The following SH2D4B variants were observed in gnomAD, a reference collection of about 807,000 sequenced individuals.
SH2D4B encodes SH2 domain-containing protein 4B.
Under a neutral mutation model 61.5 loss-of-function variants are expected in SH2D4B, and 45 were observed. That is an observed-to-expected ratio of 0.73 (90% CI 0.58 to 0.94). The LOEUF (loss-of-function observed/expected upper bound fraction) is 0.94. Among genes scored for constraint, SH2D4B ranks in the 40% least tolerant of loss-of-function variants. The pLI is 0.00. For synonymous variants in SH2D4B, 224 were observed against 220.4 expected (o/e 1.02, Z -0.14); for missense variants, 572 against 574.2 (o/e 1.00, Z 0.04).
intron 1 of SH2D4B, among the ~76,000 whole-genome samples, chr10:80,567,840 T>G (rs1564770177): frequency 6.6e-6 from 1 of 152,252 alleles, no homozygotes; most frequent in Non-Finnish European, 1.5e-5. Flanking sequence ...GAAACCTGCC[T>G]GCTGGTCATC....
At chr10:80,560,538 A>C (rs1438148977) in intron 1 of SH2D4B, among the ~76,000 whole-genome samples, 1 of 151,492 alleles carries the variant, frequency 6.6e-6, no homozygotes, top group Non-Finnish European at 1.5e-5. Context: ...GGTGCATACC[A>C]CCACACCTGG....
rs921411996 is a variant in SH2D4B at position 80,645,463 on chromosome 10, C to T, written c.*1378C>T. 4 of 152,132 alleles carry T rather than the reference C, an allele frequency of 2.6e-5. No homozygotes were observed. The highest frequency in any genetic ancestry group is 7.2e-5 in the African/African-American group (3 of 41,412). The allele number at this position is 152,132 out of a possible 1,614,324, so 9.4% of individuals were successfully genotyped here. On this transcript the variant is annotated 3_prime_UTR_variant, in exon 8 of 8. Transcript: ENST00000646907. Reference sequence around the variant, plus strand: ...ACAGAAGAGATGGGAAGTGAATGCCCGATGTGGTGAATCTGGGATGAATGG... The same window carrying T: ...ACAGAAGAGATGGGAAGTGAATGCCTGATGTGGTGAATCTGGGATGAATGG...
rs1393044714 is a variant in SH2D4B, at chr10:80,614,398, T to C, written c.988+4847T>C. ...TCTCATGAGAACTCACTCACTGTGG[T>C]GAGGACAGCACCAAGCCATGAGGAA... is the stretch of plus-strand genomic sequence containing the variant. On this transcript the variant is annotated intron_variant, in intron 6 of 7. Transcript: ENST00000646907. 2.0e-5 allele frequency among the ~76,000 whole-genome samples: 3 copies of C among 152,146 alleles called. No homozygotes were observed. The East Asian group carries it at 5.8e-4, about 29-fold the overall frequency.
At position 80,538,254 on chromosome 10, in the gene SH2D4B, A is replaced by G. The variant is rs1841530980; in HGVS notation, c.-78A>G. ...CCGGATTGAGCAGTCCGTAGTGCAGAGCAGCCCCTCGGGCGTTCTGCCTGG... is the reference window on the plus strand; with the variant it reads ...CCGGATTGAGCAGTCCGTAGTGCAGGGCAGCCCCTCGGGCGTTCTGCCTGG... On this transcript the variant is annotated 5_prime_UTR_variant, in exon 1 of 8. Transcript: ENST00000646907. This position sits in a 1 kb window ranked among gnomAD's most constrained non-coding sequence, Gnocchi z 4.8. The G allele has an allele frequency of 8.3e-7, 1 of 1,207,400 alleles. No individual in the cohort carries two copies. Among genetic ancestry groups the G allele is most frequent in the African/African-American group, 1.6e-5 (1 of 63,326 alleles). 74.8% of individuals were successfully genotyped at this position (1,207,400 alleles called of 1,614,324 possible).
At chr10:80,586,398 C>G (rs1053397297) in intron 3 of SH2D4B, among the ~76,000 whole-genome samples, 2 of 138,762 alleles carry the variant, frequency 1.4e-5, no homozygotes, top group Admixed American at 7.1e-5. Flanking sequence ...ATACACCAAT[C>G]GGCACTCTGT....
chr10:80,633,048 A>G (rs1436557554), intron 6 of SH2D4B, among the ~76,000 whole-genome samples: 1 of 151,852 alleles, frequency 6.6e-6, no homozygotes, highest in Admixed American at 6.6e-5. Flanking sequence ...TCTGTGTCCT[A>G]TGCCTTGGGC....
At chr10:80,571,844 C>A (rs1286000885) in intron 3 of SH2D4B, among the ~76,000 whole-genome samples, 1 of 149,336 alleles carries the variant, frequency 6.7e-6, no homozygotes, top group Non-Finnish European at 1.5e-5. Context: ...GCAGTCTCGG[C>A]TCACTGCAAG....
chr10:80,619,233 A>G (rs1266064970), intron 6 of SH2D4B, among the ~76,000 whole-genome samples: 1 of 152,224 alleles, frequency 6.6e-6, no homozygotes, highest in Non-Finnish European at 1.5e-5. Flanking sequence ...GTGCTGGCAC[A>G]GGAAGGGTGA....
At chr10:80,625,668 G>A (rs138368953) in intron 6 of SH2D4B, among the ~76,000 whole-genome samples, 1 of 151,524 alleles carries the variant, frequency 6.6e-6, no homozygotes, top group African/African-American at 2.4e-5. Flanking sequence ...TACCTCCCGG[G>A]TTCAAGCGAT....
At chr10:80,622,956 C>T (rs1355069573) in intron 6 of SH2D4B, among the ~76,000 whole-genome samples, 1 of 152,206 alleles carries the variant, frequency 6.6e-6, no homozygotes, top group Non-Finnish European at 1.5e-5. Context: ...CACTCTGTCA[C>T]CCAGGTTGGA....
chr10:80,545,550 T>C (rs1168589530), intron 1 of SH2D4B, among the ~76,000 whole-genome samples: 1 of 152,120 alleles, frequency 6.6e-6, no homozygotes, highest in African/African-American at 2.4e-5. Flanking sequence ...CGCTTTCTTC[T>C]ACTCCCTCTC....
At chr10:80,547,433 C>G (rs532202860) in intron 1 of SH2D4B, among the ~76,000 whole-genome samples, 1 of 152,262 alleles carries the variant, frequency 6.6e-6, no homozygotes, top group Admixed American at 6.5e-5. Flanking sequence ...ATCTAGGGAG[C>G]CATGCTGCAC....
At chr10:80,596,981 A>T (rs572405021) in intron 4 of SH2D4B, among the ~76,000 whole-genome samples, 2 of 38,118 alleles carry the variant, frequency 5.2e-5, no homozygotes, top group East Asian at 2.7e-3. Flanking sequence ...AAAAACAATA[A>T]AAAATAACAT....
chr10:80,604,363 G>A (rs1842491228), intron 5 of SH2D4B, among the ~76,000 whole-genome samples: 1 of 152,190 alleles, frequency 6.6e-6, no homozygotes, highest in South Asian at 2.1e-4. Flanking sequence ...CAGGACCAAA[G>A]GTTAGGAGGT....
At position 80,634,477 on chromosome 10, in the gene SH2D4B, C is replaced by T. The variant is rs879276185; in HGVS notation, c.1181C>T (p.Thr394Met). ...FLGVDPNRHA[T>M]LTDLVDFHKE... ...GGAGTGGACCCCAATCGCCATGCAA[C>T]GCTCACGGATCTCGTTGATTTCCAT... Residue 394 changes from threonine to methionine, a missense_variant, in exon 7 of 8, where the codon ACG (threonine) becomes ATG (methionine). Thr to Met is a moderately conservative substitution (Grantham distance 81, BLOSUM62 -1). Transcript: ENST00000646907. The T allele has an allele frequency of 4.0e-5, 62 of 1,550,368 alleles. No homozygotes were observed. The highest frequency in any genetic ancestry group is 2.3e-4 in the African/African-American group (17 of 73,124).
chr10:80,564,407 T>G (rs1423457412), intron 1 of SH2D4B, among the ~76,000 whole-genome samples: 2 of 152,194 alleles, frequency 1.3e-5, no homozygotes, highest in African/African-American at 4.8e-5. Context: ...CTTGCAAGAT[T>G]CCTTTCTCCT....
chr10:80,570,447 T>C (rs1204709018), intron 2 of SH2D4B, 131 bp downstream of exon 2: 1 of 1,154,974 alleles, frequency 8.7e-7, no homozygotes, highest in Non-Finnish European at 1.2e-6. Flanking sequence ...CTCAAACTCC[T>C]GACCTCAGGT....
At chr10:80,594,828 C>A (rs1842368735) in intron 4 of SH2D4B, among the ~76,000 whole-genome samples, 1 of 152,112 alleles carries the variant, frequency 6.6e-6, no homozygotes. Flanking sequence ...TCCACTGATA[C>A]CTTTTTAAGC....
chr10:80,582,594 G>C (rs1842195215), intron 3 of SH2D4B, among the ~76,000 whole-genome samples: 1 of 152,160 alleles, frequency 6.6e-6, no homozygotes, highest in Non-Finnish European at 1.5e-5. Flanking sequence ...TGGTCAGAGA[G>C]CACCCTGAAG....
Sources: gnomAD v4.1 joint callset for allele counts (sites outside exome capture counted in the v4.1 genomes callset) on GRCh38, gnomAD v4.1.1 for gene constraint, Gnocchi (gnomAD v3.1) non-coding constraint, MANE v1.5 for transcripts, NCBI Gene and HGNC (gene_info 2026-07-23, HGNC 2026-07-21) for gene names.